PTPA: variants seen among roughly 807,000 people sequenced by gnomAD.
PTPA encodes the protein serine/threonine-protein phosphatase 2A activator.
In PTPA, 13 loss-of-function variants were observed where a neutral mutation model predicts 43.6. The ratio of observed to expected loss-of-function variants is 0.30; its 90% CI spans 0.19 to 0.47. PTPA has a LOEUF of 0.47. PTPA is among the 20% of genes least tolerant of loss of function. The pLI, the probability that PTPA is intolerant of heterozygous loss-of-function variation, is 0.99. For synonymous variants in PTPA, 172 were observed against 158.2 expected, an observed-to-expected ratio of 1.09 and a Z score of -0.66; for missense variants, 329 against 411.9, an observed-to-expected ratio of 0.80 and a Z score of 1.74.
chr9:129,146,484 C>T lies in PTPA; in HGVS notation c.895-903C>T, dbSNP rs1306420373. On this transcript the variant is annotated intron_variant, in intron 9 of 9. Transcript: ENST00000393370. ...TCACAGCCACAGAGTGAGGCTCTTACTCTCTCTGAGGCCATAAGTCTTGTT... is the reference window on the plus strand; with the variant it reads ...TCACAGCCACAGAGTGAGGCTCTTATTCTCTCTGAGGCCATAAGTCTTGTT... 2.6e-5 allele frequency among the ~76,000 whole-genome samples: 4 copies of T among 152,350 alleles called. No individual in the cohort carries two copies. In the East Asian group the frequency reaches 7.7e-4, roughly 29 times the overall value.
At position 129,127,853 on chromosome 9, in the gene PTPA, G is replaced by A. The variant is rs554736212; in HGVS notation, c.217-1132G>A. The A allele has an allele frequency of 2.4e-5, 17 of 703,564 alleles. No individual in the cohort carries two copies. The East Asian group carries it at 1.0e-3, about 42-fold the overall frequency. The allele number at this position is 703,564 out of a possible 1,614,324, so 43.6% of individuals were successfully genotyped here. On this transcript the variant is annotated intron_variant, in intron 3 of 9. Transcript: ENST00000393370. ...GTATGAAATAGGTAGTGAAACAGGT[G>A]GAAATAACCCAAACATTTAACAGTG... is the stretch of plus-strand genomic sequence containing the variant.
chr9:129,138,002 G>C (rs1588523721), intron 8 of PTPA: 14 of 391,966 alleles, frequency 3.6e-5, no homozygotes, highest in South Asian at 2.9e-4. Flanking sequence ...GTCGGGGCGG[G>C]CGGAGGTTTG....
chr9:129,111,572 C>A lies in PTPA; in HGVS notation c.-29C>A. On this transcript the variant is annotated 5_prime_UTR_variant, in exon 1 of 10. Transcript: ENST00000393370. ...GTGAAAGGCGAGAGGGGACTGCAAG[C>A]ATCCGGGTCGGCTCCTGGCCGGAGC... 7.7e-7 allele frequency: 1 copy of A among 1,293,314 alleles called. No individual in the cohort carries two copies. The highest frequency in any genetic ancestry group is 9.9e-7 in the Non-Finnish European group (1 of 1,012,186). 80.1% of individuals were successfully genotyped at this position (1,293,314 alleles called of 1,614,324 possible).
rs773487816 is a variant in PTPA, at chr9:129,128,047, C to T, written c.217-938C>T. ...ATGAATGCATACCATTACCCCGCGCCGGGCACTGTGCACCTTCGGAGGTAT... is the reference window on the plus strand; with the variant it reads ...ATGAATGCATACCATTACCCCGCGCTGGGCACTGTGCACCTTCGGAGGTAT... On this transcript the variant is annotated intron_variant, in intron 3 of 9. Coordinates refer to ENST00000393370, the MANE Select transcript of PTPA (RefSeq NM_178000.3). 9 of 1,341,112 alleles carry T rather than the reference C, an allele frequency of 6.7e-6. No individual in the cohort carries two copies. The Admixed American group carries it at 8.3e-5, about 12-fold the overall frequency. The allele number at this position is 1,341,112 out of a possible 1,614,324, so 83.1% of individuals were successfully genotyped here.
At chr9:129,130,656 G>C (rs1397189040) in intron 4 of PTPA, among the ~76,000 whole-genome samples, 1 of 152,142 alleles carries the variant, frequency 6.6e-6, no homozygotes, top group Non-Finnish European at 1.5e-5. Context: ...GCCTCCTAAA[G>C]TGTTGGAATT....
chr9:129,146,830 C>T (rs980341551), intron 9 of PTPA, among the ~76,000 whole-genome samples: 14 of 152,198 alleles, frequency 9.2e-5, no homozygotes, highest in Admixed American at 2.6e-4. Flanking sequence ...CCCTGTTCAG[C>T]GCTCTTTTTC....
chr9:129,132,860 C>G (rs1388036891), intron 5 of PTPA, among the ~76,000 whole-genome samples: 1 of 152,156 alleles, frequency 6.6e-6, no homozygotes, highest in Non-Finnish European at 1.5e-5. Flanking sequence ...GTCTTGAACT[C>G]CTGAGCTCAA....
At chr9:129,125,424 G>C (rs1249222067) in intron 3 of PTPA, among the ~76,000 whole-genome samples, 2 of 152,020 alleles carry the variant, frequency 1.3e-5, no homozygotes, top group Non-Finnish European at 2.9e-5. Context: ...GCTAATTTTT[G>C]TATTTTTAGT....
chr9:129,136,656 C>T lies in PTPA; in HGVS notation c.685+61C>T, dbSNP rs561673686. The T allele has an allele frequency of 8.5e-5, 128 of 1,512,204 alleles. 1 individual carries two copies. In the African/African-American group the frequency reaches 1.5e-3, roughly 18 times the overall value. 93.7% of individuals were successfully genotyped at this position (1,512,204 alleles called of 1,614,324 possible). On this transcript the variant is annotated intron_variant, in intron 7 of 9. Transcript: ENST00000393370. ...AACCAAGGCTGCGTTCTGTGGCCCT[C>T]CCCTGCCCCTCCTGCGCTCCCTCCT...
At chr9:129,111,399 T>C (rs941741859), upstream of PTPA, 5 of 1,239,218 alleles carry the variant, frequency 4.0e-6, no homozygotes, top group East Asian at 3.2e-5. Flanking sequence ...ATAGGCTTGC[T>C]CCCTGAGCGC....
intron 7 of PTPA, among the ~76,000 whole-genome samples, chr9:129,137,216 T>C (rs994178735): frequency 6.6e-6 from 1 of 152,220 alleles, no homozygotes; most frequent in Non-Finnish European, 1.5e-5. Flanking sequence ...CCCCGAATCT[T>C]CTCAGTGACA....
chr9:129,145,378 A>G (rs1317886642), intron 9 of PTPA, among the ~76,000 whole-genome samples: 1 of 151,876 alleles, frequency 6.6e-6, no homozygotes, highest in Non-Finnish European at 1.5e-5. Context: ...TTCAACACTC[A>G]TTGACAACTT....
At chr9:129,133,339 G>A (rs1194009957) in intron 5 of PTPA, among the ~76,000 whole-genome samples, 1 of 152,210 alleles carries the variant, frequency 6.6e-6, no homozygotes, top group Non-Finnish European at 1.5e-5. Flanking sequence ...ATCAAAGAGG[G>A]AAGACTGGCC....
intron 2 of PTPA, among the ~76,000 whole-genome samples, chr9:129,122,266 C>A (rs1849295095): frequency 1.3e-5 from 2 of 152,242 alleles, no homozygotes; most frequent in South Asian, 4.2e-4. Context: ...CCACACCTGG[C>A]AAACTTTTTA....
At chr9:129,136,315 T>C (rs1216912108) in intron 6 of PTPA, among the ~76,000 whole-genome samples, 156 bp from the exon 7 acceptor site, 1 of 151,896 alleles carries the variant, frequency 6.6e-6, no homozygotes, top group Non-Finnish European at 1.5e-5. Context: ...GATGGCTGAG[T>C]GTTTGTTGGG....
Position 129,131,512 on chromosome 9 carries a change from G to C in PTPA, c.343-10G>C, listed in dbSNP as rs1436675225. 6.2e-7 allele frequency: 1 copy of C among 1,612,260 alleles called. No homozygotes were observed. The highest frequency in any genetic ancestry group is 8.5e-7 in the Non-Finnish European group (1 of 1,179,302). On this transcript the variant is annotated splice_polypyrimidine_tract_variant and intron_variant, in intron 4 of 9. Transcript: ENST00000393370. ...ATGCTGCCACCACTTTGTGTCTCTTGTGTTACCAGGAAGCAGAAAACTTGG... is the reference window on the plus strand; with the variant it reads ...ATGCTGCCACCACTTTGTGTCTCTTCTGTTACCAGGAAGCAGAAAACTTGG...
chr9:129,139,507 G>C (rs1850614705), intron 8 of PTPA: 1 of 152,254 alleles, frequency 6.6e-6, no homozygotes, highest in African/African-American at 2.4e-5. Flanking sequence ...CCTAGGAGGA[G>C]TGTGCCCAGG....
At chr9:129,117,437 T>C (rs1247440522) in intron 1 of PTPA, among the ~76,000 whole-genome samples, 4 of 152,192 alleles carry the variant, frequency 2.6e-5, no homozygotes, top group Non-Finnish European at 5.9e-5. Context: ...GGAGTCTTGC[T>C]GTGTTGCCCA....
chr9:129,136,387 G>A (rs1850368726), intron 6 of PTPA, 84 bp from the exon 7 acceptor site: 5 of 1,428,530 alleles, frequency 3.5e-6, no homozygotes. Flanking sequence ...TTATTTTGGG[G>A]TCTCCTTGTG....
Sources: allele counts gnomAD v4.1 joint callset (sites outside exome capture counted in the v4.1 genomes callset), GRCh38; gene constraint gnomAD v4.1.1; transcripts MANE v1.5; gene names NCBI Gene and HGNC (gene_info 2026-07-23, HGNC 2026-07-21).